The following BEND7 variants were observed in gnomAD, a reference collection of about 807,000 sequenced individuals.
BEND7 encodes BEN domain-containing protein 7.
In BEND7, 28 loss-of-function variants were observed where a neutral mutation model predicts 50.9. The observed-to-expected ratio is 0.55, with a 90% CI of 0.41 to 0.75. BEND7 has a LOEUF of 0.75. Ranked by LOEUF, BEND7 falls within the 30% of genes least tolerant of loss-of-function variation. BEND7 has a pLI of 0.00. For synonymous variants in BEND7, 170 were observed against 183.9 expected, an observed-to-expected ratio of 0.92 and a Z score of 0.61; for missense variants, 477 against 491.3, an observed-to-expected ratio of 0.97 and a Z score of 0.28.
intron 7 of BEND7, among the ~76,000 whole-genome samples, chr10:13,448,932 C>G (rs1243362638): frequency 6.9e-6 from 1 of 145,612 alleles, no homozygotes; most frequent in Non-Finnish European, 1.5e-5. Flanking sequence ...GAGATCGCGC[C>G]ACTGCACTCC....
intron 6 of BEND7, among the ~76,000 whole-genome samples, chr10:13,461,804 A>G (rs1174032003): frequency 6.6e-6 from 1 of 152,200 alleles, no homozygotes; most frequent in Non-Finnish European, 1.5e-5. Context: ...CCATTGCATA[A>G]AACTATAAGT....
intron 6 of BEND7, among the ~76,000 whole-genome samples, chr10:13,466,446 C>T (rs768145192): frequency 6.6e-6 from 1 of 151,858 alleles, no homozygotes; most frequent in Non-Finnish European, 1.5e-5. Flanking sequence ...GTAATCCCAG[C>T]TACTAGGGAG....
chr10:13,528,623 T>G lies in BEND7; in HGVS notation c.-90A>C. ...CAGCGGCAGCGGCGGCGCGGGCTCG[T>G]GTCACCGCGGCGGAGCCGCCGGGAC... On this transcript the variant is annotated 5_prime_UTR_variant, in exon 1 of 9. Coordinates refer to ENST00000466271, the MANE Select transcript of BEND7 (RefSeq NM_001369863.1). The G allele has an allele frequency of 1.4e-6, 1 of 690,930 alleles. No individual in the cohort carries two copies. Among genetic ancestry groups the G allele is most frequent in the Non-Finnish European group, 1.8e-6 (1 of 568,918 alleles). The allele number at this position is 690,930 out of a possible 1,614,324, so 42.8% of individuals were successfully genotyped here.
chr10:13,449,693 A>G (rs1489115742), intron 7 of BEND7, among the ~76,000 whole-genome samples: 1 of 152,132 alleles, frequency 6.6e-6, no homozygotes, highest in Non-Finnish European at 1.5e-5. Flanking sequence ...GTATAAACTG[A>G]CCTTCCTTTT....
At chr10:13,485,800 A>C (rs2076184909) in intron 5 of BEND7, among the ~76,000 whole-genome samples, 1 of 152,226 alleles carries the variant, frequency 6.6e-6, no homozygotes, top group African/African-American at 2.4e-5. Context: ...TGTCTGATAA[A>C]AACTAAATGT....
At chr10:13,439,528 A>G, downstream of BEND7, 1 of 1,560,278 alleles carries the variant, frequency 6.4e-7, no homozygotes, top group Non-Finnish European at 8.7e-7. Flanking sequence ...TGAATGAATG[A>G]ATGAATGGAG....
At chr10:13,515,173 G>A (rs989703623) in intron 2 of BEND7, among the ~76,000 whole-genome samples, 3 of 152,140 alleles carry the variant, frequency 2.0e-5, no homozygotes, top group African/African-American at 7.2e-5. Context: ...ACAGACACCT[G>A]CATTACATTT....
In BEND7 at chr10:13,500,397, G is replaced by GA; in HGVS notation, c.146-318dup. The GA allele has an allele frequency of 4.9e-6, 3 of 610,528 alleles. No individual in the cohort carries two copies. The South Asian group carries it at 1.2e-4, about 25-fold the overall frequency. The allele number at this position is 610,528 out of a possible 1,614,324, so 37.8% of individuals were successfully genotyped here. A position where few individuals can be genotyped will look rare whatever the true frequency, so the allele number is the denominator to read the frequency against. On this transcript the variant is annotated intron_variant, in intron 2 of 8. Transcript: ENST00000466271. ...ATTTTCTGAATGAGTAGGTGATGAGGAAACAGGCTGAGACAGAAGGTCAAG... is the reference window on the plus strand; with the variant it reads ...ATTTTCTGAATGAGTAGGTGATGAGGAAAACAGGCTGAGACAGAAGGTCAAG...
intron 6 of BEND7, among the ~76,000 whole-genome samples, chr10:13,461,602 G>A (rs1840224538): frequency 6.6e-6 from 1 of 152,102 alleles, no homozygotes; most frequent in African/African-American, 2.4e-5. Flanking sequence ...GCGTGGTGGT[G>A]CACACCTGTA....
chr10:13,499,588 C>A, intron 3 of BEND7, 190 bp downstream of exon 3: 1 of 639,440 alleles, frequency 1.6e-6, no homozygotes, highest in Non-Finnish European at 2.4e-6. Flanking sequence ...CCTGTCTTTC[C>A]TAATTCTCAA....
intron 6 of BEND7, 90 bp from the exon 7 acceptor site, chr10:13,452,748 T>C: frequency 7.8e-7 from 1 of 1,276,398 alleles, no homozygotes; most frequent in South Asian, 1.6e-5. Context: ...GAAAAAAAAG[T>C]AGATTTCTAA....
intron 5 of BEND7, among the ~76,000 whole-genome samples, chr10:13,488,086 C>CAAAA (rs753018197): frequency 1.0e-3 from 69 of 68,306 alleles, no homozygotes; most frequent in Non-Finnish European, 1.8e-3. Context: ...GTCTCAATTA[C>CAAAA]AAAAAAAAAA....
intron 2 of BEND7, among the ~76,000 whole-genome samples, chr10:13,511,052 CA>C (rs1002705864): frequency 2.6e-5 from 4 of 152,246 alleles, no homozygotes; most frequent in Non-Finnish European, 4.4e-5. Flanking sequence ...TGATGGTAGG[CA>C]CCTGTAATCC....
intron 2 of BEND7, among the ~76,000 whole-genome samples, chr10:13,516,855 A>T (rs1036205566): frequency 6.6e-6 from 1 of 152,252 alleles, no homozygotes; most frequent in Non-Finnish European, 1.5e-5. Context: ...TGAAGAGTTG[A>T]TACCAAAGGA....
intron 5 of BEND7, among the ~76,000 whole-genome samples, chr10:13,488,226 T>C (rs577084497): frequency 6.6e-6 from 1 of 152,022 alleles, no homozygotes; most frequent in African/African-American, 2.4e-5. Context: ...CTACAACAGA[T>C]AGAAAAACAT....
intron 8 of BEND7, chr10:13,446,117 T>A (rs912426618): frequency 1.3e-5 from 2 of 152,234 alleles, no homozygotes; most frequent in African/African-American, 4.8e-5. Context: ...ATATAATGAC[T>A]CTGTATGGGA....
chr10:13,507,476 A>T (rs562193242), intron 2 of BEND7, among the ~76,000 whole-genome samples: 1 of 152,342 alleles, frequency 6.6e-6, no homozygotes, highest in East Asian at 1.9e-4. Flanking sequence ...CCATTGAGAA[A>T]CTTGAGGAGA....
chr10:13,460,756 A>G (rs1182192190), intron 6 of BEND7, among the ~76,000 whole-genome samples: 2 of 152,218 alleles, frequency 1.3e-5, no homozygotes, highest in Non-Finnish European at 2.9e-5. Flanking sequence ...TATTAAGTGC[A>G]ACTATGGTGA....
At chr10:13,489,072 G>C (rs2076461700) in intron 5 of BEND7, among the ~76,000 whole-genome samples, 1 of 152,084 alleles carries the variant, frequency 6.6e-6, no homozygotes, top group African/African-American at 2.4e-5. Context: ...GCTTAAAATG[G>C]GCCAGGCCTT....
Sources: allele counts gnomAD v4.1 joint callset (sites outside exome capture counted in the v4.1 genomes callset), GRCh38; gene constraint gnomAD v4.1.1; transcripts MANE v1.5; gene names NCBI Gene and HGNC (gene_info 2026-07-23, HGNC 2026-07-21).